SMIM41: variants seen among roughly 807,000 people sequenced by gnomAD.
SMIM41 encodes the protein small integral membrane protein 41.
chr12:52,096,001 C>T (rs1462776219), intron 2 of SMIM41, among the ~76,000 whole-genome samples: 1 of 151,936 alleles, frequency 6.6e-6, no homozygotes, highest in Non-Finnish European at 1.5e-5. Context: ...ACACCCCCGG[C>T]GATATTGGGA....
rs545485746 is a variant in SMIM41 at position 52,083,941 on chromosome 12, G to A, written c.*168G>A. ...GAGGAGAGAAGAGAAGAAGAGAGGA[G>A]AGAAGAGAAGAGGAGAGGAGAGAAG... On this transcript the variant is annotated 3_prime_UTR_variant, in exon 2 of 3. Coordinates refer to ENST00000546390, the MANE Select transcript of SMIM41 (RefSeq NM_001369216.1). 1 of 151,650 alleles carries A rather than the reference G, an allele frequency of 6.6e-6. No homozygotes were observed. Among genetic ancestry groups the A allele is most frequent in the East Asian group, 1.9e-4 (1 of 5,184 alleles). 9.4% of individuals were successfully genotyped at this position (151,650 alleles called of 1,614,324 possible).
intron 2 of SMIM41, among the ~76,000 whole-genome samples, chr12:52,089,577 A>C (rs1272151064): frequency 6.6e-6 from 1 of 150,912 alleles, no homozygotes; most frequent in Non-Finnish European, 1.5e-5. Flanking sequence ...CGGGCAACAG[A>C]GCAAGACCCC....
At chr12:52,102,575 G>A (rs1347235400) in intron 2 of SMIM41, among the ~76,000 whole-genome samples, 1 of 152,190 alleles carries the variant, frequency 6.6e-6, no homozygotes, top group African/African-American at 2.4e-5. Context: ...CAGAAGATTT[G>A]AGTAGACATG....
At chr12:52,083,210 G>A (rs1340288016) in intron 1 of SMIM41, among the ~76,000 whole-genome samples, 1 of 152,156 alleles carries the variant, frequency 6.6e-6, no homozygotes, top group African/African-American at 2.4e-5. Flanking sequence ...TGAGTGCAGC[G>A]CCTGTACTGT....
intron 2 of SMIM41, among the ~76,000 whole-genome samples, chr12:52,103,673 C>T (rs758940593): frequency 2.0e-5 from 3 of 152,100 alleles, no homozygotes; most frequent in Admixed American, 6.5e-5. Flanking sequence ...ACACAAGAAT[C>T]GCTTGAACTT....
rs190365223 is a variant in SMIM41 at position 52,104,724 on chromosome 12, A to G, written c.*196-2655A>G. ...ATTCAAAATTTTGCTTTCCTCCCCC[A>G]CTGGTTGTCCTTTTCATAGACATCT... is the stretch of plus-strand genomic sequence containing the variant. On this transcript the variant is annotated intron_variant, in intron 2 of 2. Transcript: ENST00000546390. Among the ~76,000 whole-genome samples the G allele has an allele frequency of 3.3e-3, 503 of 152,046 alleles. 1 individual carries two copies. Among genetic ancestry groups the G allele is most frequent in the African/African-American group, 0.012 (484 of 41,472 alleles).
At chr12:52,100,211 G>A (rs948625052) in intron 2 of SMIM41, among the ~76,000 whole-genome samples, 3 of 151,920 alleles carry the variant, frequency 2.0e-5, no homozygotes, top group East Asian at 1.9e-4. Flanking sequence ...CATTTCCTTC[G>A]ATATGGGGAG....
intron 2 of SMIM41, chr12:52,092,260 G>A (rs1260629530): frequency 6.6e-6 from 1 of 152,190 alleles, no homozygotes; most frequent in Non-Finnish European, 1.5e-5. Context: ...AATTGTAGGG[G>A]AAATGAATTA....
intron 2 of SMIM41, among the ~76,000 whole-genome samples, chr12:52,084,441 G>A (rs1939864339): frequency 6.6e-6 from 1 of 151,382 alleles, no homozygotes; most frequent in South Asian, 2.1e-4. Context: ...CCCTGCCCCT[G>A]AAGAGCTCAC....
chr12:52,093,659 T>A (rs1940040873), intron 2 of SMIM41: 1 of 152,222 alleles, frequency 6.6e-6, no homozygotes. Flanking sequence ...ATCAAGCTTA[T>A]CTTGATATGT....
intron 2 of SMIM41, among the ~76,000 whole-genome samples, chr12:52,089,678 TGGTGACC>T (rs1939961716): frequency 6.6e-6 from 1 of 152,012 alleles, no homozygotes; most frequent in Non-Finnish European, 1.5e-5. Context: ...TCGCTTCCGG[TGGTGACC>T]GGTGGTGGTG....
At chr12:52,095,274 C>T (rs950963252) in intron 2 of SMIM41, among the ~76,000 whole-genome samples, 1 of 151,768 alleles carries the variant, frequency 6.6e-6, no homozygotes, top group Non-Finnish European at 1.5e-5. Flanking sequence ...GGAGTAACAT[C>T]TCCCCCCTCT....
chr12:52,100,957 A>G (rs922034299), intron 2 of SMIM41, among the ~76,000 whole-genome samples: 103 of 152,292 alleles, frequency 6.8e-4, no homozygotes, highest in African/African-American at 2.4e-3. Context: ...ATTTGTTTCA[A>G]TTAAGAAACT....
intron 1 of SMIM41, chr12:52,082,192 G>T (rs774714718): frequency 2.0e-5 from 3 of 152,348 alleles, no homozygotes; most frequent in Non-Finnish European, 2.9e-5. Context: ...AAATCCAAGC[G>T]GTCAGAGCCG....
chr12:52,082,269 G>T (rs1275326418), intron 1 of SMIM41, among the ~76,000 whole-genome samples: 1 of 152,212 alleles, frequency 6.6e-6, no homozygotes, highest in African/African-American at 2.4e-5. Context: ...GTGGTGTGAG[G>T]GTGTAGAGTG....
intron 2 of SMIM41, among the ~76,000 whole-genome samples, chr12:52,097,539 A>C (rs1940122682): frequency 6.6e-6 from 1 of 152,120 alleles, no homozygotes; most frequent in Non-Finnish European, 1.5e-5. Flanking sequence ...GTGGACACAC[A>C]GTGTATTTAC....
At chr12:52,086,576 G>A (rs1939895987) in intron 2 of SMIM41, among the ~76,000 whole-genome samples, 1 of 152,210 alleles carries the variant, frequency 6.6e-6, no homozygotes, top group Non-Finnish European at 1.5e-5. Flanking sequence ...CGAGGCTTCT[G>A]TGAGTCCTGC....
At position 52,081,646 on chromosome 12, in the gene SMIM41, G is replaced by T. The variant is rs1485669781; in HGVS notation, c.*120+1465G>T. The stretch of plus-strand genomic sequence containing the variant: ...GGGACATTCCCCCCTCCCTTTGCTG[G>T]GGGAGAGGGTGGGAACTTCCTCTCT... On this transcript the variant is annotated intron_variant, in intron 1 of 2. Transcript: ENST00000546390. The surrounding 1 kb of genome is among the most constrained non-coding windows in gnomAD (Gnocchi z 4.1). 2.0e-5 allele frequency among the ~76,000 whole-genome samples: 3 copies of T among 152,116 alleles called. No homozygotes were observed. Among genetic ancestry groups the T allele is most frequent in the Admixed American group, 1.3e-4 (2 of 15,284 alleles).
At chr12:52,085,122 G>A (rs1939875109) in intron 2 of SMIM41, among the ~76,000 whole-genome samples, 1 of 152,192 alleles carries the variant, frequency 6.6e-6, no homozygotes, top group Admixed American at 6.5e-5. Context: ...AACTATATTT[G>A]GCTCAGGCAG....
Sources: gnomAD v4.1 joint callset for allele counts (sites outside exome capture counted in the v4.1 genomes callset) on GRCh38, gnomAD v4.1.1 for gene constraint, Gnocchi (gnomAD v3.1) non-coding constraint, MANE v1.5 for transcripts, NCBI Gene and HGNC (gene_info 2026-07-23, HGNC 2026-07-21) for gene names.